Variants in DMP1 observed in about 807,000 individuals in gnomAD.
DMP1 encodes dentin matrix acidic phosphoprotein 1.
A neutral mutation model predicts 14.6 loss-of-function variants in DMP1; 20 were observed. That is an observed-to-expected ratio of 1.37 (90% confidence interval 0.96 to 1.99). DMP1 has a LOEUF of 1.99. DMP1 is among the 30% of genes most tolerant of loss of function. The pLI is 0.00. For synonymous variants in DMP1, 197 were observed against 215.3 expected (o/e 0.91, Z 0.75); for missense variants, 567 against 620.5 (o/e 0.91, Z 0.92).
At chr4:87,653,403 A>ATATATATATATATATAT (rs1728579470) in intron 1 of DMP1, among the ~76,000 whole-genome samples, 1 of 94,480 alleles carries the variant, frequency 1.1e-5, no homozygotes, top group Non-Finnish European at 2.1e-5. Context: ...ATATATATAT[A>ATATATATATATATATAT]TATATATATA....
chr4:87,659,081 A>T, intron 3 of DMP1, 139 bp from the exon 4 acceptor site: 1 of 844,750 alleles, frequency 1.2e-6, no homozygotes, highest in Non-Finnish European at 1.9e-6. Context: ...TTCATCATAA[A>T]ATTTCACTAT....
Position 87,661,863 on chromosome 4 carries a change from T to G in DMP1, c.184-99T>G, listed in dbSNP as rs1407896635. The G allele has an allele frequency of 8.1e-6, 13 of 1,601,354 alleles. No homozygotes were observed. The East Asian group carries it at 2.9e-4, about 36-fold the overall frequency. ...ACTGACCGTAGATTAGAGGAGGGGA[T>G]GTAGGGCGAAGGAAGCAGAAAGACT... On this transcript the variant is annotated intron_variant, in intron 5 of 5. Coordinates refer to ENST00000339673, the MANE Select transcript of DMP1 (RefSeq NM_004407.4).
In DMP1 at chr4:87,663,356, G is replaced by C; in HGVS notation, c.*36G>C. 6.2e-7 allele frequency: 1 copy of C among 1,613,950 alleles called. No individual in the cohort carries two copies. The highest frequency in any genetic ancestry group is 8.5e-7 in the Non-Finnish European group (1 of 1,179,908). ...CCTAAGAAGCAGTTGTCACATAAAG[G>C]AGTCTTAGGGACTTGAAAATGTATC... On this transcript the variant is annotated 3_prime_UTR_variant, in exon 6 of 6. Coordinates refer to ENST00000339673, the MANE Select transcript of DMP1 (RefSeq NM_004407.4).
chr4:87,659,606 G>A, intron 5 of DMP1, 128 bp downstream of exon 5: 1 of 906,644 alleles, frequency 1.1e-6, no homozygotes, highest in Non-Finnish European at 1.8e-6. Context: ...TGGCTAAAGA[G>A]TCCTATAAAG....
chr4:87,655,664 G>C (rs762634055), intron 1 of DMP1, among the ~76,000 whole-genome samples: 1 of 151,560 alleles, frequency 6.6e-6, no homozygotes, highest in Non-Finnish European at 1.5e-5. Flanking sequence ...TGACTTAGAA[G>C]CCATTGTGTG....
At position 87,662,269 on chromosome 4, in the gene DMP1, A is replaced by G; in HGVS notation, c.491A>G (p.Glu164Gly). Reference sequence around the variant, plus strand: ...GACAGTGCCCAAGATACCACCAGTGAGAGCAGGGAACTTGACAATGAGGAC... The same window carrying G: ...GACAGTGCCCAAGATACCACCAGTGGGAGCAGGGAACTTGACAATGAGGAC... ...GQDSAQDTTS[E>G]SRELDNEDRV... Residue 164 changes from glutamate (E) to glycine (G), a missense_variant, in exon 6 of 6, where the codon GAG (glutamate) becomes GGG (glycine). By Grantham distance (98) the Glu-to-Gly change is moderately conservative. Transcript: ENST00000339673. 1 of 1,614,186 alleles carries G rather than the reference A, an allele frequency of 6.2e-7. No homozygotes were observed. Among genetic ancestry groups the G allele is most frequent in the Non-Finnish European group, 8.5e-7 (1 of 1,180,034 alleles).
Position 87,663,281 on chromosome 4 carries a change from TG to T in DMP1, c.1507del (p.Asp503ThrfsTer29), listed in dbSNP as rs748412771. 4 of 1,614,208 alleles carry T rather than the reference TG, an allele frequency of 2.5e-6. No individual in the cohort carries two copies. Among genetic ancestry groups the T allele is most frequent in the Non-Finnish European group, 3.4e-6 (4 of 1,180,042 alleles). ...TVDAYHNKPI[G>X]DQDDNDCQDG... ...TTGATGCCTATCACAACAAACCCAT[TG>T]GGGACCAAGATGACAATGACTGCCA... On this transcript the variant is annotated frameshift_variant, in exon 6 of 6. Transcript: ENST00000339673. LOFTEE classifies it high-confidence loss of function.
At position 87,664,133 on chromosome 4, in the gene DMP1, GGGTCA is replaced by G. The variant is rs1168331100; in HGVS notation, c.*816_*820del. 2.0e-5 allele frequency: 3 copies of G among 152,056 alleles called. No individual in the cohort carries two copies. The highest frequency in any genetic ancestry group is 4.4e-5 in the Non-Finnish European group (3 of 67,960). 9.4% of individuals were successfully genotyped at this position (152,056 alleles called of 1,614,324 possible). A position where few individuals can be genotyped will look rare whatever the true frequency, so the allele number is the denominator to read the frequency against. Reference sequence around the variant, plus strand: ...ATCACTGGTGATGATAAGAAGGATTGGGTCAGGAAGAGTGGGAGAAAGAAATTCCT... The same window carrying G: ...ATCACTGGTGATGATAAGAAGGATTGGGAAGAGTGGGAGAAAGAAATTCCT... On this transcript the variant is annotated 3_prime_UTR_variant, in exon 6 of 6. Transcript: ENST00000339673.
Position 87,656,523 on chromosome 4 carries a change from T to G in DMP1, c.31T>G (p.Trp11Gly), listed in dbSNP as rs1453117905. The change falls in exon 2 of 6, where the codon TGG becomes GGG. Residue 11 changes from tryptophan (W) to glycine (G), a missense_variant. Physicochemically the swap from Trp to Gly is radical, Grantham distance 184. Transcript: ENST00000339673. ...GATCAGCATCCTGCTCATGTTCCTT[T>G]GGGGATTATCCTGTGCTCTCCCAGT... is the stretch of plus-strand genomic sequence containing the variant. MKISILLMFL[W>G]GLSCALPVTR... The G allele has an allele frequency of 5.6e-6, 9 of 1,610,624 alleles. No individual in the cohort carries two copies. Among genetic ancestry groups the G allele is most frequent in the Non-Finnish European group, 7.6e-6 (9 of 1,176,856 alleles).
At position 87,662,255 on chromosome 4, in the gene DMP1, A is replaced by G. The variant is rs1362081584; in HGVS notation, c.477A>G (p.Gln159=). Residue 159 remains glutamine (Q), a synonymous_variant, in exon 6 of 6, where the codon CAA becomes CAG. Transcript: ENST00000339673. The part of the protein sequence containing the change: ...ESAPQGQDSA[Q]DTTSESRELD... ...CCCCACAAGGGCAAGACAGTGCCCA[A>G]GATACCACCAGTGAGAGCAGGGAAC... is the stretch of plus-strand genomic sequence containing the variant. 1.9e-6 allele frequency: 3 copies of G among 1,614,226 alleles called. No homozygotes were observed. The highest frequency in any genetic ancestry group is 1.3e-5 in the African/African-American group (1 of 75,074).
intron 1 of DMP1, among the ~76,000 whole-genome samples, chr4:87,651,769 T>C (rs1728535743): frequency 6.6e-6 from 1 of 152,258 alleles, no homozygotes; most frequent in South Asian, 2.1e-4. Flanking sequence ...TGTTCAGTTG[T>C]GTTCTTGAAG....
Position 87,655,342 on chromosome 4 carries a change from C to T in DMP1, c.-21-1130C>T, listed in dbSNP as rs116687668. On this transcript the variant is annotated intron_variant, in intron 1 of 5. Coordinates refer to ENST00000339673, the MANE Select transcript of DMP1 (RefSeq NM_004407.4). ...TTTTAAATACAAAACAAAGTGTTTT[C>T]CAAAGCAACAGCTCTTGAAGTGTGA... 7.3e-3 allele frequency among the ~76,000 whole-genome samples: 1,111 copies of T among 152,194 alleles called. 7 individuals carry two copies. Among genetic ancestry groups the T allele is most frequent in the Non-Finnish European group, 0.012 (810 of 67,990 alleles).
intron 1 of DMP1, among the ~76,000 whole-genome samples, chr4:87,653,432 T>TATAC (rs1728591225): frequency 1.1e-5 from 1 of 92,980 alleles, no homozygotes. Flanking sequence ...TATATATATA[T>TATAC]ACTTTTTTTT....
In DMP1 at chr4:87,664,333, G is replaced by A. The variant is rs1729028492; in HGVS notation, c.*1013G>A. On this transcript the variant is annotated 3_prime_UTR_variant, in exon 6 of 6. Coordinates refer to ENST00000339673, the MANE Select transcript of DMP1 (RefSeq NM_004407.4). ...TACCTCAACATAAAATACTTGTTTT[G>A]TAATAAAGATTATAATACCCAGAAG... 1.3e-5 allele frequency: 2 copies of A among 152,488 alleles called. No individual in the cohort carries two copies. The highest frequency in any genetic ancestry group is 4.8e-5 in the African/African-American group (2 of 41,396). 9.4% of individuals were successfully genotyped at this position (152,488 alleles called of 1,614,324 possible).
intron 5 of DMP1, 72 bp from the exon 6 acceptor site, chr4:87,661,890 G>C: frequency 1.2e-6 from 2 of 1,612,968 alleles, no homozygotes; most frequent in Non-Finnish European, 1.7e-6. Context: ...AGAAAGACTA[G>C]AAAGGCTCTA....
intron 3 of DMP1, among the ~76,000 whole-genome samples, chr4:87,658,355 G>A (rs1244180480): frequency 6.6e-6 from 1 of 152,228 alleles, no homozygotes. Context: ...AAGGGGAAGG[G>A]GAAGAAGTGA....
rs969652844 is a variant in DMP1, at chr4:87,662,458, G to A, written c.680G>A (p.Arg227Lys). 3.7e-6 allele frequency: 6 copies of A among 1,614,064 alleles called. No individual in the cohort carries two copies. In the African/African-American group the frequency reaches 8.0e-5, roughly 22 times the overall value. ...GACCCAGAGAGCATCAGGAGTGAAA[G>A]GGGAAACTCCAGAATGAACAGTGCA... ...SDDPESIRSE[R>K]GNSRMNSAGM... Residue 227 changes from arginine to lysine, a missense_variant, in exon 6 of 6, where the codon AGG (arginine) becomes AAG (lysine). Arg to Lys is a conservative substitution (Grantham distance 26). Transcript: ENST00000339673.
chr4:87,660,652 G>A (rs1156249347), intron 5 of DMP1: 1 of 152,204 alleles, frequency 6.6e-6, no homozygotes, highest in East Asian at 1.9e-4. Flanking sequence ...AAGACTCACT[G>A]TCCTTCCTTA....
chr4:87,662,698 G>C lies in DMP1; in HGVS notation c.920G>C (p.Ser307Thr). The change falls in exon 6 of 6, where the codon AGC becomes ACC. Residue 307 changes from serine (S) to threonine (T), a missense_variant. By Grantham distance (58) the Ser-to-Thr change is moderately conservative (BLOSUM62 1). Coordinates refer to ENST00000339673, the MANE Select transcript of DMP1 (RefSeq NM_004407.4). Reference protein sequence around the residue: ...ENSNSRDTGLSQPRRDSKGDS... With the variant: ...ENSNSRDTGLTQPRRDSKGDS... ...AGCAACTCCAGAGACACTGGCCTCA[G>C]CCAACCCAGGAGAGACAGCAAGGGT... The C allele has an allele frequency of 6.2e-7, 1 of 1,614,142 alleles. No individual in the cohort carries two copies. The highest frequency in any genetic ancestry group is 1.1e-5 in the South Asian group (1 of 91,080).
Sources: allele counts gnomAD v4.1 joint callset (sites outside exome capture counted in the v4.1 genomes callset), GRCh38; gene constraint gnomAD v4.1.1; transcripts MANE v1.5; gene names NCBI Gene and HGNC (gene_info 2026-07-23, HGNC 2026-07-21).